TSACC: variants seen among roughly 807,000 people sequenced by gnomAD.
TSACC encodes the protein TSSK6 activating cochaperone.
TSACC carries 3 observed loss-of-function variants against 6.9 expected under a neutral mutation model. The observed-to-expected ratio is 0.43, with a 90% confidence interval of 0.20 to 1.12. TSACC has a LOEUF of 1.12. Ranked by LOEUF, TSACC falls within the 50% of genes most tolerant of loss-of-function variation. The pLI is 0.28. For synonymous variants in TSACC, 54 were observed against 55.1 expected (o/e 0.98, Z 0.09); for missense variants, 137 against 143.9 (o/e 0.95, Z 0.24).
chr1:156,344,172 CAG>C (rs1404811976), intron 2 of TSACC, among the ~76,000 whole-genome samples: 1 of 152,156 alleles, frequency 6.6e-6, no homozygotes, highest in Non-Finnish European at 1.5e-5. Flanking sequence ...GTATAACTAA[CAG>C]ATAAAAGGCT....
intron 2 of TSACC, among the ~76,000 whole-genome samples, chr1:156,343,684 G>T (rs1017639887): frequency 6.6e-6 from 1 of 152,146 alleles, no homozygotes; most frequent in Non-Finnish European, 1.5e-5. Context: ...TTGTTAGGGA[G>T]AGGGGCTTGA....
At chr1:156,341,678 CTCTT>C (rs1410410064) in intron 2 of TSACC, among the ~76,000 whole-genome samples, 15 of 152,174 alleles carry the variant, frequency 9.9e-5, no homozygotes, top group Non-Finnish European at 1.3e-4. Flanking sequence ...GTAAAGCAGT[CTCTT>C]TCTTTAATTA....
chr1:156,338,239 T>G (rs1024216107), upstream of TSACC: 1 of 1,543,870 alleles, frequency 6.5e-7, no homozygotes, highest in African/African-American at 1.4e-5. Flanking sequence ...CAGAACCTTC[T>G]GGAGAGAGAG....
At chr1:156,343,754 T>A (rs1179987162) in intron 2 of TSACC, among the ~76,000 whole-genome samples, 1 of 152,128 alleles carries the variant, frequency 6.6e-6, no homozygotes, top group Non-Finnish European at 1.5e-5. Flanking sequence ...GTTTCATTTT[T>A]TTTGAGAAGG....
chr1:156,340,390 A>C (rs1272767797), intron 2 of TSACC, among the ~76,000 whole-genome samples: 1 of 150,282 alleles, frequency 6.7e-6, no homozygotes, highest in Non-Finnish European at 1.5e-5. Context: ...TAATCTCCTG[A>C]CCTTGTGATC....
chr1:156,342,540 T>A (rs12022194), intron 2 of TSACC, among the ~76,000 whole-genome samples: 35,190 of 152,154 alleles, frequency 0.23, 4,740 homozygotes, highest in Non-Finnish European at 0.29. Context: ...ACATTTTCCT[T>A]CATACAACCT....
chr1:156,344,820 T>C, intron 3 of TSACC, 112 bp downstream of exon 3: 1 of 1,317,996 alleles, frequency 7.6e-7, no homozygotes, highest in South Asian at 1.4e-5. Flanking sequence ...GTTAGGCATC[T>C]ATAGATCTTT....
At position 156,346,931 on chromosome 1, in the gene TSACC, A is replaced by T; in HGVS notation, c.327A>T (p.Pro109=). The stretch of plus-strand genomic sequence containing the variant: ...GGGGAAGCAATAACTCTTCTCTCCC[A>T]GCCTTATCTCCTAATCCATTGTTAA... The part of the protein sequence containing the change: ...PGRGSNNSSL[P]ALSPNPLLNH... Residue 109 remains proline (P), a synonymous_variant, in exon 4 of 4, where the codon CCA becomes CCT. Coordinates refer to ENST00000368254, the MANE Select transcript of TSACC (RefSeq NM_001304817.2). The T allele has an allele frequency of 6.2e-7, 1 of 1,614,208 alleles. No individual in the cohort carries two copies. The highest frequency in any genetic ancestry group is 2.2e-5 in the East Asian group (1 of 44,892).
At chr1:156,346,692 G>T in intron 3 of TSACC, 76 bp from the exon 4 acceptor site, 1 of 1,421,232 alleles carries the variant, frequency 7.0e-7, no homozygotes, top group Non-Finnish European at 9.9e-7. Context: ...TTTTATTAGG[G>T]TCCTTCCAAC....
intron 2 of TSACC, among the ~76,000 whole-genome samples, chr1:156,344,169 T>G (rs1666042771): frequency 6.6e-6 from 1 of 152,194 alleles, no homozygotes; most frequent in Non-Finnish European, 1.5e-5. Flanking sequence ...ATAGTATAAC[T>G]AACAGATAAA....
chr1:156,339,489 A>T, intron 1 of TSACC, 145 bp from the exon 2 acceptor site: 3 of 415,624 alleles, frequency 7.2e-6, no homozygotes, highest in Non-Finnish European at 4.3e-6. Context: ...GGGTTTGGTT[A>T]AATTACTATT....
At chr1:156,340,412 G>A (rs1665805458) in intron 2 of TSACC, among the ~76,000 whole-genome samples, 1 of 151,430 alleles carries the variant, frequency 6.6e-6, no homozygotes, top group Non-Finnish European at 1.5e-5. Flanking sequence ...AACTGCCTTG[G>A]ACTCCCAAAG....
chr1:156,338,160 C>G, upstream of TSACC: 1 of 1,588,348 alleles, frequency 6.3e-7, no homozygotes, highest in Non-Finnish European at 8.6e-7. Flanking sequence ...TCACTGAGCA[C>G]GAGCACTGGA....
At chr1:156,337,890 G>C (rs1268803542), upstream of TSACC, 3 of 537,416 alleles carry the variant, frequency 5.6e-6, no homozygotes, top group Admixed American at 3.3e-5. Flanking sequence ...CTGAGGGACA[G>C]AACGCGGAGT....
intron 2 of TSACC, among the ~76,000 whole-genome samples, chr1:156,342,327 G>A (rs1160241347): frequency 6.6e-6 from 1 of 152,040 alleles, no homozygotes; most frequent in African/African-American, 2.4e-5. Flanking sequence ...CACAAACCCA[G>A]TAACCCAGTG....
In TSACC at chr1:156,339,764, C is replaced by T. The variant is rs150449794; in HGVS notation, c.7C>T (p.Arg3Trp). Residue 3 changes from arginine to tryptophan, a missense_variant, in exon 2 of 4, where the codon CGG (arginine) becomes TGG (tryptophan). Arg to Trp is a moderately radical substitution (Grantham distance 101). Coordinates refer to ENST00000368254, the MANE Select transcript of TSACC (RefSeq NM_001304817.2). ...CACACCTGTTGGTGTTCAGATGGAG[C>T]GGCACACTAGTCATCCTAACAGAAA... ME[R>W]HTSHPNRKVP... The T allele has an allele frequency of 2.1e-4, 338 of 1,614,072 alleles. No individual in the cohort carries two copies. Among genetic ancestry groups the T allele is most frequent in the Non-Finnish European group, 2.8e-4 (326 of 1,180,012 alleles).
At chr1:156,338,285 G>A (rs912115259), upstream of TSACC, 18 of 1,170,714 alleles carry the variant, frequency 1.5e-5, no homozygotes, top group Non-Finnish European at 2.2e-5. Context: ...TGCCTCCTCA[G>A]GGCTTACACC....
chr1:156,342,164 C>G (rs1665934342), intron 2 of TSACC, among the ~76,000 whole-genome samples: 1 of 151,906 alleles, frequency 6.6e-6, no homozygotes, highest in African/African-American at 2.4e-5. Flanking sequence ...ACACATTTTG[C>G]ATGGAAATTA....
chr1:156,344,062 A>G (rs1347920963), intron 2 of TSACC, among the ~76,000 whole-genome samples: 1 of 152,146 alleles, frequency 6.6e-6, no homozygotes, highest in Non-Finnish European at 1.5e-5. Context: ...TTTAAGGTTC[A>G]GTAAATATCC....
Sources: allele counts gnomAD v4.1 joint callset (sites outside exome capture counted in the v4.1 genomes callset), GRCh38; gene constraint gnomAD v4.1.1; transcripts MANE v1.5; gene names NCBI Gene and HGNC (gene_info 2026-07-23, HGNC 2026-07-21).